Variants in PARVA observed in about 807,000 individuals in gnomAD.
The protein encoded by PARVA is alpha-parvin.
Under a neutral mutation model 52.6 loss-of-function variants are expected in PARVA, and 25 were observed. The observed-to-expected ratio is 0.48, with a 90% CI of 0.35 to 0.66. The LOEUF (loss-of-function observed/expected upper bound fraction) is 0.66. PARVA is among the 30% of genes least tolerant of loss of function. The pLI is 0.01. For synonymous variants in PARVA, 185 were observed against 179.1 expected (o/e 1.03, Z -0.26); for missense variants, 373 against 450.9 (o/e 0.83, Z 1.56).
chr11:12,508,588 G>T lies in PARVA; in HGVS notation c.662G>T (p.Arg221Leu), dbSNP rs537951619. 6.3e-5 allele frequency: 102 copies of T among 1,607,594 alleles called. No individual in the cohort carries two copies. The highest frequency in any genetic ancestry group is 8.2e-5 in the Non-Finnish European group (97 of 1,176,400). The change falls in exon 7 of 13, where the codon CGA becomes CTA. Residue 221 changes from arginine to leucine, a missense_variant. By Grantham distance (102) the Arg-to-Leu change is moderately radical (BLOSUM62 -2). Coordinates refer to ENST00000334956, the MANE Select transcript of PARVA (RefSeq NM_018222.5). ...CTTTCCCCACCCCCATTTCAGAAAC[G>T]AGAAGGAATCCTCCAGTCTCGGCAA... ...VSIQVVVVQK[R>L]EGILQSRQIQ...
At chr11:12,458,667 G>A (rs1161126013) in intron 1 of PARVA, among the ~76,000 whole-genome samples, 2 of 152,156 alleles carry the variant, frequency 1.3e-5, no homozygotes, top group African/African-American at 4.8e-5. Flanking sequence ...GCAGATGCTT[G>A]TGCACCCCAC....
At chr11:12,479,280 C>G (rs1024224943) in intron 4 of PARVA, 1 of 151,862 alleles carries the variant, frequency 6.6e-6, no homozygotes, top group African/African-American at 2.4e-5. Flanking sequence ...AATGTGCCTC[C>G]CTATTATAGC....
chr11:12,392,707 C>G (rs546646523), intron 1 of PARVA, among the ~76,000 whole-genome samples: 36 of 152,240 alleles, frequency 2.4e-4, no homozygotes, highest in South Asian at 1.0e-3. Flanking sequence ...GGTATAGACA[C>G]ATATTTTTCT....
chr11:12,418,570 C>T (rs997630493), intron 1 of PARVA, among the ~76,000 whole-genome samples: 1 of 152,162 alleles, frequency 6.6e-6, no homozygotes, highest in Non-Finnish European at 1.5e-5. Context: ...GCCTCCCCCA[C>T]CCAGTTCATG....
chr11:12,490,379 C>T (rs563563587), intron 4 of PARVA, among the ~76,000 whole-genome samples: 1 of 151,126 alleles, frequency 6.6e-6, no homozygotes, highest in Non-Finnish European at 1.5e-5. Context: ...CAAAAATTAG[C>T]CAGGCAATAG....
chr11:12,519,194 G>T (rs1941608608), intron 12 of PARVA, among the ~76,000 whole-genome samples: 1 of 152,220 alleles, frequency 6.6e-6, no homozygotes, highest in African/African-American at 2.4e-5. Flanking sequence ...ATAATCTCCT[G>T]CATATGTCCC....
intron 3 of PARVA, among the ~76,000 whole-genome samples, chr11:12,474,988 A>T (rs1355639183): frequency 6.6e-6 from 1 of 151,210 alleles, no homozygotes. Flanking sequence ...TGTCAGAGTG[A>T]TTCATTCCCC....
At chr11:12,408,076 C>T (rs1939939938) in intron 1 of PARVA, among the ~76,000 whole-genome samples, 1 of 152,196 alleles carries the variant, frequency 6.6e-6, no homozygotes, top group Non-Finnish European at 1.5e-5. Flanking sequence ...CTGTTTTTCA[C>T]GTGTGTCCTG....
At chr11:12,405,915 G>A (rs1328068756) in intron 1 of PARVA, among the ~76,000 whole-genome samples, 1 of 152,090 alleles carries the variant, frequency 6.6e-6, no homozygotes, top group East Asian at 1.9e-4. Context: ...CTGAGATCCT[G>A]CCACTGCACT....
intron 1 of PARVA, among the ~76,000 whole-genome samples, chr11:12,428,647 G>A (rs914424548): frequency 7.9e-5 from 12 of 152,248 alleles, no homozygotes; most frequent in Admixed American, 1.3e-4. Flanking sequence ...ATATTCATGC[G>A]TGTCTGAATC....
intron 4 of PARVA, among the ~76,000 whole-genome samples, chr11:12,485,074 A>C (rs59706928): frequency 0.026 from 3,964 of 152,244 alleles, 161 homozygotes; most frequent in African/African-American, 0.09. Context: ...TTGGCCTCCC[A>C]AAGTGGTGGG....
intron 1 of PARVA, among the ~76,000 whole-genome samples, chr11:12,422,336 T>C (rs1457042205): frequency 6.6e-6 from 1 of 152,224 alleles, no homozygotes; most frequent in African/African-American, 2.4e-5. Flanking sequence ...TTTTTGAGCA[T>C]TTCTTCAAGA....
At chr11:12,431,733 A>G (rs1940318854) in intron 1 of PARVA, among the ~76,000 whole-genome samples, 1 of 152,254 alleles carries the variant, frequency 6.6e-6, no homozygotes, top group South Asian at 2.1e-4. Context: ...CCCTGAGGCC[A>G]GTGCCACCAT....
At chr11:12,517,320 A>ACCCCCCT (rs1466337705) in intron 10 of PARVA, among the ~76,000 whole-genome samples, 1 of 55,658 alleles carries the variant, frequency 1.8e-5, no homozygotes, top group Non-Finnish European at 3.8e-5. Context: ...CCCACCCCCC[A>ACCCCCCT]CCCCCCACCA....
At chr11:12,447,961 A>C (rs932191260) in intron 1 of PARVA, among the ~76,000 whole-genome samples, 1 of 152,214 alleles carries the variant, frequency 6.6e-6, no homozygotes, top group Non-Finnish European at 1.5e-5. Flanking sequence ...GTTATGAGTT[A>C]AAATAATTGT....
chr11:12,389,682 G>C (rs902806674), intron 1 of PARVA, among the ~76,000 whole-genome samples: 1 of 152,192 alleles, frequency 6.6e-6, no homozygotes, highest in African/African-American at 2.4e-5. Context: ...TTGGGAACCT[G>C]AGTTTCAGCT....
rs540958078 is a variant in PARVA, at chr11:12,425,393, C to G, written c.136+47610C>G. 1.3e-3 allele frequency among the ~76,000 whole-genome samples: 202 copies of G among 152,280 alleles called. 1 individual carries two copies. Among genetic ancestry groups the G allele is most frequent in the Middle Eastern group, 0.01 (3 of 294 alleles). On this transcript the variant is annotated intron_variant, in intron 1 of 12. Coordinates refer to ENST00000334956, the MANE Select transcript of PARVA (RefSeq NM_018222.5). ...TGGATTCCTCAAGGCCTTCCCTCAC[C>G]CCGCAGTTTCCCCAACATGAATCTT...
intron 4 of PARVA, among the ~76,000 whole-genome samples, chr11:12,487,521 G>GTGC (rs1203442743): frequency 1.3e-5 from 2 of 149,916 alleles, no homozygotes; most frequent in Non-Finnish European, 3.0e-5. Flanking sequence ...TAGATATCAA[G>GTGC]TGCTCAATAG....
intron 1 of PARVA, among the ~76,000 whole-genome samples, chr11:12,462,545 G>A (rs1349407612): frequency 6.6e-6 from 1 of 152,190 alleles, no homozygotes; most frequent in African/African-American, 2.4e-5. Flanking sequence ...CTTTAGCCCA[G>A]TGAGACCCAT....
Sources: gnomAD v4.1 joint callset for allele counts (sites outside exome capture counted in the v4.1 genomes callset) on GRCh38, gnomAD v4.1.1 for gene constraint, MANE v1.5 for transcripts, NCBI Gene and HGNC (gene_info 2026-07-23, HGNC 2026-07-21) for gene names.